NEK6: variants seen among roughly 807,000 people sequenced by gnomAD.
The protein encoded by NEK6 is serine/threonine-protein kinase Nek6.
NEK6 carries 27 observed loss-of-function variants against 43.5 expected under a neutral mutation model. That is an observed-to-expected ratio of 0.62 (90% CI 0.46 to 0.86). The LOEUF (loss-of-function observed/expected upper bound fraction) is 0.86, where lower values mean the gene tolerates loss of function less well. NEK6 is among the 40% of genes least tolerant of loss of function. The pLI is 0.00. For synonymous variants in NEK6, 167 were observed against 164.1 expected, an observed-to-expected ratio of 1.02 and a Z score of -0.14; for missense variants, 318 against 414.4, an observed-to-expected ratio of 0.77 and a Z score of 2.02.
At chr9:124,348,921 C>T (rs1032690329) in intron 9 of NEK6, among the ~76,000 whole-genome samples, 1 of 152,246 alleles carries the variant, frequency 6.6e-6, no homozygotes, top group African/African-American at 2.4e-5. Context: ...AGGATCTGAA[C>T]CCACATGCGC....
chr9:124,263,655 C>G (rs1019437492), intron 1 of NEK6, among the ~76,000 whole-genome samples: 1 of 152,216 alleles, frequency 6.6e-6, no homozygotes, highest in African/African-American at 2.4e-5. Context: ...CAGAGTGTCT[C>G]CAGTGCCCCT....
intron 9 of NEK6, among the ~76,000 whole-genome samples, chr9:124,349,677 G>A (rs1830146458): frequency 6.6e-6 from 1 of 152,226 alleles, no homozygotes; most frequent in Non-Finnish European, 1.5e-5. Context: ...TCATAAATTA[G>A]TTCGGGTCAC....
chr9:124,306,888 G>A (rs556957887), intron 2 of NEK6, among the ~76,000 whole-genome samples: 1 of 152,288 alleles, frequency 6.6e-6, no homozygotes, highest in African/African-American at 2.4e-5. Context: ...CTTTAAAGGT[G>A]AAATTCGTTT....
intron 5 of NEK6, among the ~76,000 whole-genome samples, chr9:124,322,390 C>T (rs139959229): frequency 6.6e-6 from 1 of 152,344 alleles, no homozygotes; most frequent in East Asian, 1.9e-4. Context: ...GTCTGGTGTC[C>T]AGGACCACTG....
rs182026804 is a variant in NEK6 at position 124,339,115 on chromosome 9, G to A, written c.623-456G>A. 2.1e-4 allele frequency among the ~76,000 whole-genome samples: 30 copies of A among 140,628 alleles called. No individual in the cohort carries two copies. In the East Asian group the frequency reaches 5.8e-3, roughly 27 times the overall value. 92.3% of individuals were successfully genotyped at this position (140,628 alleles called of 152,430 possible). A position where few individuals can be genotyped will look rare whatever the true frequency, so the allele number is the denominator to read the frequency against. On this transcript the variant is annotated intron_variant, in intron 7 of 9. Coordinates refer to ENST00000320246, the MANE Select transcript of NEK6 (RefSeq NM_014397.6). ...GCAATCTTGGCTCTCTGCAGCCTCC[G>A]CCTCCCTGGTTTAAGTGATTCTCCT...
Position 124,277,637 on chromosome 9 carries a change from A to G in NEK6, c.-30+19552A>G, listed in dbSNP as rs898230717. On this transcript the variant is annotated intron_variant, in intron 1 of 9. Transcript: ENST00000320246. Reference sequence around the variant, plus strand: ...TGATAAAATCTGTGACGCTCCCAGCACTGCCTGGGGAGAGGAAGGAAAGTG... The same window carrying G: ...TGATAAAATCTGTGACGCTCCCAGCGCTGCCTGGGGAGAGGAAGGAAAGTG... Among the ~76,000 whole-genome samples the G allele has an allele frequency of 2.0e-5, 3 of 152,330 alleles. No homozygotes were observed. The South Asian group carries it at 6.2e-4, about 32-fold the overall frequency.
At chr9:124,263,445 G>A (rs922150815) in intron 1 of NEK6, among the ~76,000 whole-genome samples, 4 of 152,190 alleles carry the variant, frequency 2.6e-5, no homozygotes, top group Admixed American at 6.5e-5. Context: ...GAGCCTCAGC[G>A]TCATCATCTG....
At chr9:124,333,099 A>C (rs2416925) in intron 7 of NEK6, among the ~76,000 whole-genome samples, 150,321 of 152,306 alleles carry the variant, frequency 0.99, 74,190 homozygotes, top group East Asian at 1. Flanking sequence ...TTCCCCGACG[A>C]CTCCTCAGAA....
chr9:124,322,373 A>G (rs1427469062), intron 5 of NEK6, among the ~76,000 whole-genome samples: 1 of 152,174 alleles, frequency 6.6e-6, no homozygotes, highest in Non-Finnish European at 1.5e-5. Context: ...GGCGGAGTTC[A>G]CCATGAGTCT....
At chr9:124,338,062 C>G (rs1829381360) in intron 7 of NEK6, among the ~76,000 whole-genome samples, 1 of 152,170 alleles carries the variant, frequency 6.6e-6, no homozygotes, top group Non-Finnish European at 1.5e-5. Context: ...CTCACTGCAG[C>G]CTTCACCTCC....
chr9:124,278,789 C>T (rs1831761719), intron 1 of NEK6, among the ~76,000 whole-genome samples: 1 of 152,152 alleles, frequency 6.6e-6, no homozygotes, highest in Admixed American at 6.5e-5. Flanking sequence ...CTAAGATGCC[C>T]AGCAAAGAAG....
At chr9:124,325,397 T>TCA (rs1437836487) in intron 5 of NEK6, among the ~76,000 whole-genome samples, 8 of 152,224 alleles carry the variant, frequency 5.3e-5, no homozygotes, top group African/African-American at 1.9e-4. Context: ...TCCAGGCCAG[T>TCA]GTGTCCTGGT....
chr9:124,317,302 G>A lies in NEK6; in HGVS notation c.294+3317G>A, dbSNP rs564361705. 6.4e-4 allele frequency among the ~76,000 whole-genome samples: 97 copies of A among 152,226 alleles called. 1 individual carries two copies. The highest frequency in any genetic ancestry group is 2.2e-3 in the African/African-American group (92 of 41,536). ...GGGTCTCGCTCTGTCACCCAGGCTG[G>A]AGTGCCGTGGTGCGATCTCGGCTCA... On this transcript the variant is annotated intron_variant, in intron 4 of 9. Transcript: ENST00000320246.
In NEK6 at chr9:124,299,065, G is replaced by A. The variant is rs1287928595; in HGVS notation, c.-29-2871G>A. On this transcript the variant is annotated intron_variant, in intron 1 of 9. Coordinates refer to ENST00000320246, the MANE Select transcript of NEK6 (RefSeq NM_014397.6). The stretch of plus-strand genomic sequence containing the variant: ...GAATGACATTCCCAAGCACCCGCTA[G>A]GCTCCTCCCCAGTGGGATTTGCCCA... Among the ~76,000 whole-genome samples the A allele has an allele frequency of 3.9e-5, 6 of 152,360 alleles. No individual in the cohort carries two copies. The South Asian group carries it at 1.0e-3, about 26-fold the overall frequency.
At chr9:124,323,094 C>T (rs1834157426) in intron 5 of NEK6, among the ~76,000 whole-genome samples, 1 of 152,214 alleles carries the variant, frequency 6.6e-6, no homozygotes, top group Non-Finnish European at 1.5e-5. Flanking sequence ...AGCCCTCATG[C>T]CAAGAACTAG....
chr9:124,302,839 C>G lies in NEK6; in HGVS notation c.90+785C>G, dbSNP rs974232872. ...CTAGTTCCTGGGTCTGCCTCACTTTCTAGATGGAGAGCTCCCCTGGAGCAG... is the reference window on the plus strand; with the variant it reads ...CTAGTTCCTGGGTCTGCCTCACTTTGTAGATGGAGAGCTCCCCTGGAGCAG... On this transcript the variant is annotated intron_variant, in intron 2 of 9. Transcript: ENST00000320246. 3.3e-4 allele frequency among the ~76,000 whole-genome samples: 50 copies of G among 152,242 alleles called. 1 individual carries two copies. The highest frequency in any genetic ancestry group is 3.0e-3 in the Admixed American group (46 of 15,290).
At chr9:124,303,522 G>A (rs1318458010) in intron 2 of NEK6, among the ~76,000 whole-genome samples, 1 of 152,208 alleles carries the variant, frequency 6.6e-6, no homozygotes, top group Non-Finnish European at 1.5e-5. Context: ...GCCCAAGGAG[G>A]GCGGTGATGC....
chr9:124,345,445 C>G (rs1829869467), intron 8 of NEK6, among the ~76,000 whole-genome samples: 1 of 152,160 alleles, frequency 6.6e-6, no homozygotes, highest in Admixed American at 6.5e-5. Flanking sequence ...CACTGCTGAC[C>G]CCATTCAAAA....
chr9:124,295,208 T>C (rs1033119359), intron 1 of NEK6, among the ~76,000 whole-genome samples: 1 of 152,214 alleles, frequency 6.6e-6, no homozygotes, highest in Admixed American at 6.5e-5. Flanking sequence ...GCTTCCGCTG[T>C]CATGGAGCTG....
Sources: allele counts gnomAD v4.1 joint callset (sites outside exome capture counted in the v4.1 genomes callset), GRCh38; gene constraint gnomAD v4.1.1; transcripts MANE v1.5; gene names NCBI Gene and HGNC (gene_info 2026-07-23, HGNC 2026-07-21).